The following DNAH10 variants were observed in gnomAD, a reference collection of about 807,000 sequenced individuals.
The protein encoded by DNAH10 is dynein axonemal heavy chain 10, also known as axonemal beta dynein heavy chain 10.
DNAH10 carries 348 observed loss-of-function variants against 506.6 expected under a neutral mutation model. That is an observed-to-expected ratio of 0.69 (90% CI 0.63 to 0.75). The LOEUF (loss-of-function observed/expected upper bound fraction) is 0.75. Ranked by LOEUF, DNAH10 falls within the 30% of genes least tolerant of loss-of-function variation. DNAH10 has a pLI of 0.00. For synonymous variants in DNAH10, 2,059 were observed against 2,198.6 expected, an observed-to-expected ratio of 0.94 and a Z score of 1.78; for missense variants, 5,179 against 5,787.1, an observed-to-expected ratio of 0.89 and a Z score of 3.41.
intron 28 of DNAH10, among the ~76,000 whole-genome samples, chr12:123,837,581 C>CT (rs558570026): frequency 0.17 from 23,720 of 141,516 alleles, 3,599 homozygotes; most frequent in African/African-American, 0.42. Flanking sequence ...TATGATTGTT[C>CT]TTTTTTTTTT....
chr12:123,821,114 G>C (rs1220558480), intron 24 of DNAH10, among the ~76,000 whole-genome samples: 1 of 152,188 alleles, frequency 6.6e-6, no homozygotes, highest in Non-Finnish European at 1.5e-5. Flanking sequence ...GCCAGGTATA[G>C]TGGCAGGTGC....
rs774358586 is a variant in DNAH10, at chr12:123,850,992, G to A, written c.6207G>A (p.Leu2069=). 6.2e-7 allele frequency: 1 copy of A among 1,614,070 alleles called. No homozygotes were observed. The highest frequency in any genetic ancestry group is 8.5e-7 in the Non-Finnish European group (1 of 1,179,944). ...AGCTGCCCGAGTCGGTGAAGGCGCT[G>A]TTCAGGCCTGTGGTCGTGATCGTGC... ...RTELPESVKA[L]FRPVVVIVPD... is the part of the protein sequence containing the mutation. Residue 2069 remains leucine (L), a synonymous_variant, in exon 35 of 79, where the codon CTG becomes CTA. Transcript: ENST00000673944. The surrounding 1 kb of genome is among the most constrained non-coding windows in gnomAD (Gnocchi z 5.5).
chr12:123,785,389 C>T lies in DNAH10; in HGVS notation c.1231-357C>T, dbSNP rs149427570. On this transcript the variant is annotated intron_variant, in intron 8 of 78. Coordinates refer to ENST00000673944, the MANE Select transcript of DNAH10 (RefSeq NM_001372106.1). This position sits in a 1 kb window ranked among gnomAD's most constrained non-coding sequence, Gnocchi z 4.1. ...GAAATGTCTGTTTTAATCTTTTGCC[C>T]GTTATTTATTTGAGTTATTATTATA... Among the ~76,000 whole-genome samples the T allele has an allele frequency of 2.0e-5, 3 of 151,962 alleles. No homozygotes were observed. The highest frequency in any genetic ancestry group is 4.4e-5 in the Non-Finnish European group (3 of 68,002).
intron 55 of DNAH10, 34 bp from the exon 56 acceptor site, chr12:123,898,619 C>A: frequency 6.8e-7 from 1 of 1,472,018 alleles, no homozygotes; most frequent in Non-Finnish European, 9.0e-7. Flanking sequence ...CAGTGGCCAC[C>A]TCGACGATGA....
At chr12:123,774,014 GATATTCTGAATC>G in intron 4 of DNAH10, 123 bp from the exon 5 acceptor site, 1 of 634,966 alleles carries the variant, frequency 1.6e-6, no homozygotes, top group Non-Finnish European at 2.7e-6. Context: ...ACAAATAGGG[GATATTCTGAATC>G]TGTAACCAGA....
chr12:123,921,432 G>A (rs1954717815), intron 65 of DNAH10, among the ~76,000 whole-genome samples: 1 of 152,208 alleles, frequency 6.6e-6, no homozygotes, highest in African/African-American at 2.4e-5. Context: ...AAGTTCACTT[G>A]GGTGGGGCAG....
intron 47 of DNAH10, among the ~76,000 whole-genome samples, chr12:123,875,891 G>A (rs1185860364): frequency 6.6e-6 from 1 of 152,170 alleles, no homozygotes; most frequent in Non-Finnish European, 1.5e-5. Flanking sequence ...TTTGGAGCGG[G>A]GAGATCATGA....
intron 57 of DNAH10, among the ~76,000 whole-genome samples, chr12:123,904,319 C>T (rs1420083311): frequency 6.6e-6 from 1 of 152,170 alleles, no homozygotes; most frequent in Non-Finnish European, 1.5e-5. Context: ...TGGAAGTGCA[C>T]ACCCAGCGGA....
chr12:123,901,735 A>T (rs1388518539), intron 56 of DNAH10, among the ~76,000 whole-genome samples: 1 of 152,166 alleles, frequency 6.6e-6, no homozygotes, highest in Non-Finnish European at 1.5e-5. Context: ...ATCTCGGCTC[A>T]CTGCAACCTC....
At chr12:123,810,650 A>G (rs1304923231) in intron 19 of DNAH10, among the ~76,000 whole-genome samples, 1 of 152,018 alleles carries the variant, frequency 6.6e-6, no homozygotes, top group African/African-American at 2.4e-5. Context: ...CCGAGATCGC[A>G]CCACTGCACT....
intron 52 of DNAH10, among the ~76,000 whole-genome samples, chr12:123,890,127 T>C (rs1413689146): frequency 6.6e-6 from 1 of 152,200 alleles, no homozygotes. Context: ...CATGGACACC[T>C]TTAGAGGGCT....
At chr12:123,814,156 TTTC>T (rs1455761491) in intron 21 of DNAH10, 4 of 337,354 alleles carry the variant, frequency 1.2e-5, no homozygotes, top group African/African-American at 2.1e-5. Context: ...TCCCTTTTCT[TTTC>T]TTCTTTTTTT....
chr12:123,794,203 C>T (rs1362757823), intron 12 of DNAH10, 91 bp downstream of exon 12: 1 of 958,268 alleles, frequency 1.0e-6, no homozygotes, highest in African/African-American at 1.8e-5. Context: ...TCTTTCCCAT[C>T]TGAATTCAGA....
At chr12:123,780,291 G>C (rs893291066) in intron 5 of DNAH10, among the ~76,000 whole-genome samples, 1 of 151,874 alleles carries the variant, frequency 6.6e-6, no homozygotes, top group Non-Finnish European at 1.5e-5. Flanking sequence ...TCAGCCTCCC[G>C]AGTAGCTTGG....
intron 13 of DNAH10, 46 bp from the exon 14 acceptor site, chr12:123,799,200 T>G: frequency 7.1e-7 from 1 of 1,410,696 alleles, no homozygotes; most frequent in Non-Finnish European, 9.4e-7. Context: ...AGATGAAAAA[T>G]GTTATTTTCA....
rs1594196317 is a variant in DNAH10, at chr12:123,852,210, G to A, written c.6292-996G>A. 2.0e-5 allele frequency among the ~76,000 whole-genome samples: 3 copies of A among 152,288 alleles called. No homozygotes were observed. In the South Asian group the frequency reaches 6.2e-4, roughly 32 times the overall value. On this transcript the variant is annotated intron_variant, in intron 35 of 78. Transcript: ENST00000673944. ...TGTAGTATGGAACCCTTTGAGACGGGCTTCTTTCACTCAGCACAATGCCTT... is the reference window on the plus strand; with the variant it reads ...TGTAGTATGGAACCCTTTGAGACGGACTTCTTTCACTCAGCACAATGCCTT...
In DNAH10 at chr12:123,813,388, T is replaced by C. The variant is rs201958328; in HGVS notation, c.3369T>C (p.Ala1123=). ...RYRPLWKLDK[A]IVMEKFAAKK... ...GACCTCTCTGGAAATTGGACAAAGC[T>C]ATTGTGATGGAGAAATTTGCTGCCA... is the stretch of plus-strand genomic sequence containing the variant. The change falls in exon 20 of 79, where the codon GCT becomes GCC. Residue 1123 remains alanine, a synonymous_variant. Transcript: ENST00000673944. The C allele has an allele frequency of 9.9e-6, 16 of 1,614,226 alleles. No individual in the cohort carries two copies. The highest frequency in any genetic ancestry group is 1.4e-5 in the Non-Finnish European group (16 of 1,180,042).
Position 123,927,072 on chromosome 12 carries a change from T to G in DNAH10, c.12105+252T>G, listed in dbSNP as rs534102724. On this transcript the variant is annotated intron_variant, in intron 69 of 78. Transcript: ENST00000673944. ...TTTCTTTTCTTTTTGAGACAGGGTC[T>G]CACTCTGTCACCCAGGCTGGAGTGC... 1.8e-5 allele frequency: 9 copies of G among 491,266 alleles called. No individual in the cohort carries two copies. In the Admixed American group the frequency reaches 2.3e-4, roughly 13 times the overall value. 30.4% of individuals were successfully genotyped at this position (491,266 alleles called of 1,614,324 possible).
intron 41 of DNAH10, 32 bp from the exon 42 acceptor site, chr12:123,867,435 T>G: frequency 6.3e-7 from 1 of 1,599,626 alleles, no homozygotes; most frequent in Non-Finnish European, 8.5e-7. Flanking sequence ...AAACAAACCC[T>G]TGAAATGCTT....
Sources: allele counts gnomAD v4.1 joint callset (sites outside exome capture counted in the v4.1 genomes callset), GRCh38; gene constraint gnomAD v4.1.1; non-coding constraint Gnocchi (gnomAD v3.1); transcripts MANE v1.5; gene names NCBI Gene and HGNC (gene_info 2026-07-23, HGNC 2026-07-21).